The following FBXL17 variants were observed in gnomAD, a reference collection of about 807,000 sequenced individuals.
The protein encoded by FBXL17 is F-box and leucine rich repeat protein 17, also known as F-box/LRR-repeat protein 17.
A neutral mutation model predicts 66.2 loss-of-function variants in FBXL17; 22 were observed. The observed-to-expected ratio is 0.33, with a 90% CI of 0.24 to 0.47. The LOEUF (loss-of-function observed/expected upper bound fraction) is 0.47, where lower values mean the gene tolerates loss of function less well. FBXL17 is among the 20% of genes least tolerant of loss of function. FBXL17 has a pLI of 1.00. For missense variants in FBXL17, 878 were observed against 948.2 expected (o/e 0.93, Z 0.97); for synonymous variants, 474 against 400.5 (o/e 1.18, Z -2.19).
At chr5:107,901,502 C>T (rs17160709) in intron 7 of FBXL17, among the ~76,000 whole-genome samples, 32,647 of 152,070 alleles carry the variant, frequency 0.21, 3,673 homozygotes, top group South Asian at 0.27. Context: ...CTGAAGAGAT[C>T]GTTACTAAAC....
At chr5:108,369,742 C>G (rs1467787364) in intron 1 of FBXL17, among the ~76,000 whole-genome samples, 3 of 151,826 alleles carry the variant, frequency 2.0e-5, no homozygotes, top group African/African-American at 7.3e-5. Flanking sequence ...GCTTTATCAA[C>G]AAATACCATG....
intron 7 of FBXL17, among the ~76,000 whole-genome samples, chr5:107,925,642 G>A (rs764711987): frequency 2.0e-5 from 3 of 152,200 alleles, no homozygotes; most frequent in East Asian, 1.9e-4. Flanking sequence ...ATCCTGAGGT[G>A]TGCTTTGCTT....
intron 6 of FBXL17, among the ~76,000 whole-genome samples, chr5:108,119,001 A>C (rs1216940480): frequency 1.3e-5 from 2 of 152,122 alleles, no homozygotes; most frequent in African/African-American, 4.8e-5. Context: ...TTTCTGGCTT[A>C]GTTCACCACA....
intron 6 of FBXL17, among the ~76,000 whole-genome samples, chr5:108,033,098 T>A (rs1052442936): frequency 1.3e-5 from 2 of 152,212 alleles, no homozygotes; most frequent in African/African-American, 4.8e-5. Flanking sequence ...ATGGAAAATT[T>A]CAAGTGAAAA....
At chr5:107,964,781 C>T (rs534913306) in intron 7 of FBXL17, among the ~76,000 whole-genome samples, 1 of 152,222 alleles carries the variant, frequency 6.6e-6, no homozygotes, top group African/African-American at 2.4e-5. Context: ...CTCATAATCT[C>T]TTCTTTTTGG....
intron 7 of FBXL17, among the ~76,000 whole-genome samples, chr5:107,973,354 ATTTTTTTTTTTT>A (rs200079422): frequency 4.2e-5 from 5 of 120,460 alleles, no homozygotes; most frequent in Admixed American, 8.3e-5. Context: ...TTTTTTTGTA[ATTTTTTTTTTTT>A]TTTTTTTTTT....
chr5:108,078,570 G>A (rs777234838), intron 6 of FBXL17, among the ~76,000 whole-genome samples: 11 of 152,084 alleles, frequency 7.2e-5, no homozygotes, highest in East Asian at 1.9e-4. Context: ...CTGGGATCTC[G>A]GAAAGATTAA....
intron 6 of FBXL17, among the ~76,000 whole-genome samples, chr5:108,055,287 AAAAAAAAAAAAAAAAAAAAAAAAAAAG>A (rs1317543801): frequency 2.1e-5 from 1 of 46,858 alleles, no homozygotes; most frequent in South Asian, 1.3e-3. Context: ...TTAGAAAAAA[AAAAAAAAAAAAAAAAAAAAAAAAAAAG>A]AAAAACGCTT....
chr5:107,942,580 C>A (rs1751143763), intron 7 of FBXL17, among the ~76,000 whole-genome samples: 1 of 152,104 alleles, frequency 6.6e-6, no homozygotes. Flanking sequence ...TTGGCTGGAG[C>A]TTTTTCCACT....
intron 6 of FBXL17, among the ~76,000 whole-genome samples, chr5:108,139,164 G>A (rs1313898801): frequency 6.6e-6 from 1 of 152,162 alleles, no homozygotes; most frequent in Non-Finnish European, 1.5e-5. Flanking sequence ...CTCACCATAG[G>A]GGAAAGGGGG....
chr5:107,933,217 G>C (rs1290804494), intron 7 of FBXL17, among the ~76,000 whole-genome samples: 3 of 152,292 alleles, frequency 2.0e-5, no homozygotes, highest in Middle Eastern at 6.8e-3. Flanking sequence ...CTGCAGCACA[G>C]AATTAGGATC....
chr5:107,999,528 G>A (rs1687967807), intron 7 of FBXL17, among the ~76,000 whole-genome samples: 1 of 144,224 alleles, frequency 6.9e-6, no homozygotes, highest in South Asian at 2.2e-4. Flanking sequence ...ACTACAACTA[G>A]CAGTCTCATG....
chr5:107,894,047 T>C (rs1164029804), intron 7 of FBXL17, among the ~76,000 whole-genome samples: 1 of 152,216 alleles, frequency 6.6e-6, no homozygotes, highest in Non-Finnish European at 1.5e-5. Context: ...TGTGGATTTT[T>C]CCCTAGGAGT....
chr5:108,002,055 A>T (rs1357144708), intron 7 of FBXL17, among the ~76,000 whole-genome samples: 13 of 151,690 alleles, frequency 8.6e-5, no homozygotes, highest in Admixed American at 8.5e-4. Flanking sequence ...TTCACTTGTC[A>T]CCCAGGTTGG....
chr5:108,141,713 C>T (rs1346580629), intron 6 of FBXL17, among the ~76,000 whole-genome samples: 1 of 152,186 alleles, frequency 6.6e-6, no homozygotes, highest in African/African-American at 2.4e-5. Flanking sequence ...TAAGACCCAC[C>T]TGAACCTGTT....
At chr5:108,114,038 G>A (rs1002260171) in intron 6 of FBXL17, among the ~76,000 whole-genome samples, 4 of 152,052 alleles carry the variant, frequency 2.6e-5, no homozygotes, top group Non-Finnish European at 5.9e-5. Flanking sequence ...TCCTTTGTAT[G>A]TCTCTTTCAG....
chr5:108,004,769 C>T (rs1221570805), intron 7 of FBXL17, among the ~76,000 whole-genome samples: 1 of 152,088 alleles, frequency 6.6e-6, no homozygotes, highest in Non-Finnish European at 1.5e-5. Flanking sequence ...CTATAGGATG[C>T]CACTGAAACT....
At chr5:108,277,213 C>T (rs137972776) in intron 4 of FBXL17, among the ~76,000 whole-genome samples, 1,687 of 152,208 alleles carry the variant, frequency 0.011, 15 homozygotes, top group Non-Finnish European at 0.016. Context: ...TATTTGATAG[C>T]ACTGAACTGG....
At chr5:108,095,896 G>GC (rs1749350548) in intron 6 of FBXL17, among the ~76,000 whole-genome samples, 1 of 152,120 alleles carries the variant, frequency 6.6e-6, no homozygotes, top group Non-Finnish European at 1.5e-5. Flanking sequence ...TAAGATCATT[G>GC]CAAGACATGG....
Sources: gnomAD v4.1 joint callset for allele counts (sites outside exome capture counted in the v4.1 genomes callset) on GRCh38, gnomAD v4.1.1 for gene constraint, MANE v1.5 for transcripts, NCBI Gene and HGNC (gene_info 2026-07-23, HGNC 2026-07-21) for gene names.